CELF5: variants seen among roughly 807,000 people sequenced by gnomAD.
CELF5 encodes CUGBP Elav-like family member 5.
CELF5 carries 6 observed loss-of-function variants against 54.9 expected under a neutral mutation model. The observed-to-expected ratio is 0.11, with a 90% CI of 0.06 to 0.22. The LOEUF is 0.22. Among genes scored for constraint, CELF5 ranks in the 10% least tolerant of loss-of-function variants. CELF5 has a pLI of 1.00. For missense variants in CELF5, 401 were observed against 678.6 expected, an observed-to-expected ratio of 0.59 and a Z score of 4.54; for synonymous variants, 271 against 290.9, an observed-to-expected ratio of 0.93 and a Z score of 0.70.
chr19:3,253,714 A>G (rs1398828130), intron 2 of CELF5, among the ~76,000 whole-genome samples: 2 of 152,256 alleles, frequency 1.3e-5, no homozygotes, highest in African/African-American at 4.8e-5. Context: ...TGCAAGCTGC[A>G]GAGTGGGGAT....
At chr19:3,265,456 C>T (rs566872649) in intron 2 of CELF5, among the ~76,000 whole-genome samples, 16 of 152,302 alleles carry the variant, frequency 1.1e-4, no homozygotes, top group East Asian at 5.8e-4. Flanking sequence ...CAGTGAGCCC[C>T]GAGCAGAAGT....
At chr19:3,260,621 A>AT (rs34244242) in intron 2 of CELF5, among the ~76,000 whole-genome samples, 27,618 of 104,602 alleles carry the variant, frequency 0.26, 3,923 homozygotes, top group Non-Finnish European at 0.32. Flanking sequence ...CACCTGGCTA[A>AT]TTTTTTTTTT....
intron 1 of CELF5, among the ~76,000 whole-genome samples, chr19:3,231,844 G>A (rs1389790461): frequency 1.3e-5 from 2 of 151,734 alleles, no homozygotes; most frequent in Non-Finnish European, 2.9e-5. Flanking sequence ...ATGGATGGAT[G>A]GATGCATGAA....
chr19:3,274,582 G>A (rs2080017183), intron 3 of CELF5, among the ~76,000 whole-genome samples: 1 of 152,188 alleles, frequency 6.6e-6, no homozygotes, highest in South Asian at 2.1e-4. Context: ...GGCCAGTGTT[G>A]TCTGTGTGGG....
Position 3,284,876 on chromosome 19 carries a change from CA to C in CELF5, c.1040-25del, listed in dbSNP as rs372832103. ...TGGAAGACTTCTGCTGCTCCCGCCC[CA>C]CTCAGCCCCTCTGTCTGCCCGCAGC... On this transcript the variant is annotated intron_variant, in intron 8 of 12. Coordinates refer to ENST00000292672, the MANE Select transcript of CELF5 (RefSeq NM_021938.4). 453 of 1,609,548 alleles carry C rather than the reference CA, an allele frequency of 2.8e-4. 2 individuals are homozygous for C. The African/African-American group carries it at 5.4e-3, about 19-fold the overall frequency.
At chr19:3,288,131 C>T (rs1202451707) in intron 10 of CELF5, among the ~76,000 whole-genome samples, 1 of 152,106 alleles carries the variant, frequency 6.6e-6, no homozygotes, top group Admixed American at 6.5e-5. Flanking sequence ...CAGCGGTCGC[C>T]CACAGTTTTG....
At chr19:3,271,475 G>A (rs1348381879) in intron 2 of CELF5, among the ~76,000 whole-genome samples, 2 of 152,144 alleles carry the variant, frequency 1.3e-5, no homozygotes, top group Non-Finnish European at 2.9e-5. Flanking sequence ...CTGAGGGTGC[G>A]GCTGGGCGGC....
intron 2 of CELF5, among the ~76,000 whole-genome samples, chr19:3,261,469 C>A (rs369292556): frequency 1.3e-5 from 2 of 151,602 alleles, no homozygotes; most frequent in Admixed American, 1.3e-4. Context: ...ACAATATACA[C>A]CAGATTTTGA....
chr19:3,245,419 GGT>G (rs370690783), intron 1 of CELF5, among the ~76,000 whole-genome samples: 25 of 149,028 alleles, frequency 1.7e-4, no homozygotes, highest in Admixed American at 1.4e-3. Flanking sequence ...TGTGGTGTGT[GGT>G]GTGTGTGTGT....
At chr19:3,264,585 T>G (rs2079855175) in intron 2 of CELF5, among the ~76,000 whole-genome samples, 1 of 151,526 alleles carries the variant, frequency 6.6e-6, no homozygotes, top group South Asian at 2.1e-4. Context: ...CCGGCTAATG[T>G]TTTTGTATTT....
At chr19:3,237,790 C>T (rs1020786228) in intron 1 of CELF5, among the ~76,000 whole-genome samples, 5 of 152,196 alleles carry the variant, frequency 3.3e-5, no homozygotes, top group Admixed American at 6.5e-5. Flanking sequence ...TGGCTCACGC[C>T]TGTAATCCCA....
rs563272801 is a variant in CELF5 at position 3,258,650 on chromosome 19, C to T, written c.342+7583C>T. On this transcript the variant is annotated intron_variant, in intron 2 of 12. Transcript: ENST00000292672. ...TTTTAGAGACAGGGTCTTGCTCTGT[C>T]GCCCAGGCTGGAGTGCAGTGTTGCA... Among the ~76,000 whole-genome samples the T allele has an allele frequency of 2.8e-4, 43 of 152,004 alleles. No homozygotes were observed. In the East Asian group the frequency reaches 3.3e-3, roughly 12 times the overall value.
At chr19:3,263,246 CAAA>C (rs541811875) in intron 2 of CELF5, among the ~76,000 whole-genome samples, 7 of 45,054 alleles carry the variant, frequency 1.6e-4, no homozygotes, top group Admixed American at 2.7e-4. Flanking sequence ...GATTCTGTCT[CAAA>C]AAAAAAAAAA....
At chr19:3,239,884 A>T (rs867442307) in intron 1 of CELF5, among the ~76,000 whole-genome samples, 1 of 151,996 alleles carries the variant, frequency 6.6e-6, no homozygotes, top group East Asian at 1.9e-4. Flanking sequence ...ACCTCTGACT[A>T]TGCCCAACCC....
chr19:3,240,087 C>G (rs1375686558), intron 1 of CELF5, among the ~76,000 whole-genome samples: 3 of 151,894 alleles, frequency 2.0e-5, no homozygotes, highest in African/African-American at 7.2e-5. Context: ...CGGCTCACTG[C>G]AAACTTTACC....
chr19:3,263,819 C>T (rs186456769), intron 2 of CELF5, among the ~76,000 whole-genome samples: 4 of 151,872 alleles, frequency 2.6e-5, no homozygotes, highest in East Asian at 3.9e-4. Flanking sequence ...GAAGGAGAAT[C>T]GCTTGAAACT....
At chr19:3,238,799 C>T (rs370206343) in intron 1 of CELF5, among the ~76,000 whole-genome samples, 3 of 152,236 alleles carry the variant, frequency 2.0e-5, no homozygotes, top group Admixed American at 6.5e-5. Flanking sequence ...GGTGTGGCGG[C>T]GGGTGCCTGT....
chr19:3,248,781 G>C lies in CELF5; in HGVS notation c.260-2204G>C, dbSNP rs192858913. 1.3e-3 allele frequency among the ~76,000 whole-genome samples: 204 copies of C among 152,128 alleles called. 2 individuals are homozygous for C. Among genetic ancestry groups the C allele is most frequent in the Non-Finnish European group, 6.9e-4 (47 of 68,008 alleles). ...GTGGTAATTTTGTGTTTCGTTTCTG[G>C]AGGAACTGTCAAACTGTTTTCTGCA... On this transcript the variant is annotated intron_variant, in intron 1 of 12. Coordinates refer to ENST00000292672, the MANE Select transcript of CELF5 (RefSeq NM_021938.4).
chr19:3,291,629 C>A (rs1279358086), intron 11 of CELF5, among the ~76,000 whole-genome samples: 14 of 148,220 alleles, frequency 9.4e-5, no homozygotes, highest in Admixed American at 9.4e-4. Flanking sequence ...CATGGGAAAT[C>A]TGGGGGAAGA....
Sources: gnomAD v4.1 joint callset for allele counts (sites outside exome capture counted in the v4.1 genomes callset) on GRCh38, gnomAD v4.1.1 for gene constraint, MANE v1.5 for transcripts, NCBI Gene and HGNC (gene_info 2026-07-23, HGNC 2026-07-21) for gene names.